The following ZNF804B variants were observed in gnomAD, a reference collection of about 807,000 sequenced individuals.
ZNF804B encodes zinc finger 804B.
ZNF804B carries 80 observed loss-of-function variants against 101.4 expected under a neutral mutation model. The ratio of observed to expected loss-of-function variants is 0.79; its 90% confidence interval spans 0.66 to 0.95. ZNF804B has a LOEUF of 0.95. ZNF804B is among the 40% of genes least tolerant of loss of function. ZNF804B has a pLI of 0.00. For synonymous variants in ZNF804B, 622 were observed against 558.8 expected (o/e 1.11, Z -1.59); for missense variants, 1,673 against 1,561.9 (o/e 1.07, Z -1.20).
At chr7:88,814,622 G>A (rs867525002) in intron 1 of ZNF804B, among the ~76,000 whole-genome samples, 122 of 151,966 alleles carry the variant, frequency 8.0e-4, no homozygotes, top group African/African-American at 2.8e-3. Flanking sequence ...TTTAAATTTG[G>A]CCTCTATATT....
intron 2 of ZNF804B, among the ~76,000 whole-genome samples, chr7:89,219,012 C>T (rs1448454763): frequency 6.6e-6 from 1 of 151,764 alleles, no homozygotes; most frequent in Middle Eastern, 3.2e-3. Context: ...GAAACCAGGA[C>T]CCAGGAAAAA....
intron 1 of ZNF804B, among the ~76,000 whole-genome samples, chr7:88,904,382 G>A (rs543711988): frequency 1.1e-3 from 165 of 152,252 alleles, no homozygotes; most frequent in African/African-American, 3.8e-3. Context: ...AAGTTGGAGA[G>A]TGTGATGCTT....
intron 2 of ZNF804B, among the ~76,000 whole-genome samples, chr7:89,268,780 A>G (rs763232696): frequency 6.6e-6 from 1 of 152,060 alleles, no homozygotes; most frequent in Non-Finnish European, 1.5e-5. Context: ...TTTCTTTACC[A>G]GAGGAATTTT....
intron 1 of ZNF804B, among the ~76,000 whole-genome samples, chr7:89,034,921 T>C (rs550542636): frequency 3.3e-5 from 5 of 152,184 alleles, no homozygotes; most frequent in African/African-American, 7.2e-5. Context: ...TGTTGTTTCT[T>C]GACTTTTTAA....
chr7:89,133,954 TG>T (rs1351412531), intron 1 of ZNF804B, among the ~76,000 whole-genome samples: 3 of 152,100 alleles, frequency 2.0e-5, no homozygotes, highest in Non-Finnish European at 2.9e-5. Context: ...CTCCAATTTT[TG>T]TTTAAGGATC....
chr7:89,275,653 T>C (rs1300236041), intron 2 of ZNF804B, among the ~76,000 whole-genome samples: 1 of 151,972 alleles, frequency 6.6e-6, no homozygotes, highest in Admixed American at 6.6e-5. Flanking sequence ...ATATAGTCTT[T>C]TATACCTATT....
chr7:88,811,609 G>T (rs1790788912), intron 1 of ZNF804B, among the ~76,000 whole-genome samples: 2 of 152,126 alleles, frequency 1.3e-5, no homozygotes, highest in African/African-American at 2.4e-5. Context: ...TAAAGAAAAG[G>T]TGGTACATAT....
chr7:88,861,183 A>G (rs1791638820), intron 1 of ZNF804B, among the ~76,000 whole-genome samples: 1 of 152,220 alleles, frequency 6.6e-6, no homozygotes, highest in South Asian at 2.1e-4. Context: ...TGAGGATCCC[A>G]GTCTACTAAA....
rs10714696 is a variant in ZNF804B, at chr7:89,186,611, CTT to C, written c.109-31534_109-31533del. Among the ~76,000 whole-genome samples the C allele has an allele frequency of 1.3e-4, 20 of 149,532 alleles. No homozygotes were observed. The South Asian group carries it at 2.7e-3, about 20-fold the overall frequency. ...GTATTTGCATTGCTTTTAAGTGTTA[CTT>C]TTTTTTTTTACAATCTTCTTTTGTA... On this transcript the variant is annotated intron_variant, in intron 1 of 3. Transcript: ENST00000333190.
At chr7:88,879,827 T>G (rs1792006501) in intron 1 of ZNF804B, among the ~76,000 whole-genome samples, 1 of 151,998 alleles carries the variant, frequency 6.6e-6, no homozygotes, top group Non-Finnish European at 1.5e-5. Context: ...TTGCTTGAGC[T>G]CAGAAGTTAG....
intron 1 of ZNF804B, among the ~76,000 whole-genome samples, chr7:89,100,294 C>T (rs1011627077): frequency 3.3e-5 from 5 of 152,096 alleles, no homozygotes; most frequent in Admixed American, 1.3e-4. Flanking sequence ...ATATCACTTA[C>T]CATTTATAAA....
chr7:89,298,315 G>A (rs1188274316), intron 2 of ZNF804B, among the ~76,000 whole-genome samples: 7 of 134,710 alleles, frequency 5.2e-5, no homozygotes, highest in African/African-American at 1.9e-4. Context: ...AGGTATACAC[G>A]TGCCATGGTG....
At chr7:89,022,444 C>T (rs10251060) in intron 1 of ZNF804B, among the ~76,000 whole-genome samples, 18,699 of 151,966 alleles carry the variant, frequency 0.12, 1,703 homozygotes, top group East Asian at 0.27. Context: ...CTTTATTATC[C>T]GGTTATGTCT....
chr7:89,270,705 CT>C (rs1463365837), intron 2 of ZNF804B, among the ~76,000 whole-genome samples: 11 of 151,922 alleles, frequency 7.2e-5, no homozygotes, highest in African/African-American at 2.7e-4. Context: ...TGAGCATGGA[CT>C]ATTTTTCCAT....
chr7:89,214,023 G>C (rs34811083), intron 1 of ZNF804B, among the ~76,000 whole-genome samples: 3 of 151,860 alleles, frequency 2.0e-5, no homozygotes, highest in African/African-American at 7.3e-5. Flanking sequence ...AAAAACATAC[G>C]TGTTTTACGC....
intron 1 of ZNF804B, among the ~76,000 whole-genome samples, chr7:88,894,805 G>A (rs1737952501): frequency 1.3e-5 from 2 of 152,054 alleles, no homozygotes; most frequent in African/African-American, 4.8e-5. Flanking sequence ...TAGAAAAGAT[G>A]CAATTATGAA....
intron 1 of ZNF804B, among the ~76,000 whole-genome samples, chr7:88,948,402 C>T (rs1347988629): frequency 1.3e-5 from 2 of 148,414 alleles, no homozygotes; most frequent in African/African-American, 5.0e-5. Context: ...CCTCAACCTC[C>T]AAGGCTATGA....
chr7:89,062,146 T>C (rs577030822), intron 1 of ZNF804B, among the ~76,000 whole-genome samples: 1 of 152,266 alleles, frequency 6.6e-6, no homozygotes, highest in East Asian at 1.9e-4. Context: ...ACTCTGTCAA[T>C]AGGAAGTCTT....
chr7:88,866,734 A>G (rs1371976771), intron 1 of ZNF804B, among the ~76,000 whole-genome samples: 1 of 152,198 alleles, frequency 6.6e-6, no homozygotes, highest in Non-Finnish European at 1.5e-5. Context: ...CAGAACCATG[A>G]AAAAATAATA....
Sources: gnomAD v4.1 joint callset for allele counts (sites outside exome capture counted in the v4.1 genomes callset) on GRCh38, gnomAD v4.1.1 for gene constraint, MANE v1.5 for transcripts, NCBI Gene and HGNC (gene_info 2026-07-23, HGNC 2026-07-21) for gene names.